The following RALGAPA1 variants were observed in gnomAD, a reference collection of about 807,000 sequenced individuals.
RALGAPA1 encodes the protein Ral GTPase activating protein catalytic subunit alpha 1.
A neutral mutation model predicts 269.6 loss-of-function variants in RALGAPA1; 52 were observed. The observed-to-expected ratio is 0.19, with a 90% confidence interval of 0.15 to 0.24. RALGAPA1 has a LOEUF of 0.24. Among genes scored for constraint, RALGAPA1 ranks in the 10% least tolerant of loss-of-function variants. The pLI is 1.00. For missense variants in RALGAPA1, 1,917 were observed against 3,013.9 expected (o/e 0.64, Z 8.52); for synonymous variants, 817 against 1,008.3 (o/e 0.81, Z 3.60).
rs1566866944 is a variant in RALGAPA1, at chr14:35,628,080, C to T, written c.5996-129G>A. The T allele has an allele frequency of 1.4e-5, 15 of 1,059,436 alleles. No homozygotes were observed. In the East Asian group the frequency reaches 3.6e-4, roughly 25 times the overall value. 65.6% of individuals were successfully genotyped at this position (1,059,436 alleles called of 1,614,324 possible). A position where few individuals can be genotyped will look rare whatever the true frequency, so the allele number is the denominator to read the frequency against. On this transcript the variant is annotated intron_variant, in intron 33 of 41. Coordinates refer to ENST00000680220, the MANE Select transcript of RALGAPA1 (RefSeq NM_001346249.2). The stretch of plus-strand genomic sequence containing the variant: ...TATTTCCAGTTTAGATTCCATAATA[C>T]AGTAATGATGGCAAAAAAGGAGGAA...
chr14:35,788,305 T>C (rs575541189), intron 1 of RALGAPA1, among the ~76,000 whole-genome samples: 3 of 152,298 alleles, frequency 2.0e-5, no homozygotes, highest in Non-Finnish European at 2.9e-5. Context: ...ATTCTACTTC[T>C]TAACATTAAG....
chr14:35,652,118 G>A (rs374725898), intron 30 of RALGAPA1, among the ~76,000 whole-genome samples: 31 of 152,074 alleles, frequency 2.0e-4, no homozygotes, highest in Middle Eastern at 3.4e-3. Flanking sequence ...AACCATAAAT[G>A]GATTTCTTCC....
chr14:35,630,985 C>G (rs1000288494), intron 33 of RALGAPA1, among the ~76,000 whole-genome samples: 82 of 151,950 alleles, frequency 5.4e-4, no homozygotes, highest in Non-Finnish European at 1.1e-3. Flanking sequence ...ATTAATAACA[C>G]TAAATGATTA....
intron 1 of RALGAPA1, among the ~76,000 whole-genome samples, chr14:35,797,718 G>GC (rs2076680623): frequency 6.6e-6 from 1 of 151,546 alleles, no homozygotes; most frequent in Non-Finnish European, 1.5e-5. Context: ...GGTGGCACCT[G>GC]CCTGTAATCC....
chr14:35,642,756 A>G (rs2062109874), intron 31 of RALGAPA1, among the ~76,000 whole-genome samples: 1 of 152,208 alleles, frequency 6.6e-6, no homozygotes, highest in Non-Finnish European at 1.5e-5. Flanking sequence ...TAGTTCAACC[A>G]TTGTGGAAGA....
In RALGAPA1 at chr14:35,674,252, A is replaced by T; in HGVS notation, c.4845T>A (p.Thr1615=). 2 of 1,612,096 alleles carry T rather than the reference A, an allele frequency of 1.2e-6. No individual in the cohort carries two copies. Among genetic ancestry groups the T allele is most frequent in the Non-Finnish European group, 1.7e-6 (2 of 1,178,868 alleles). Residue 1615 remains threonine (T), a synonymous_variant, in exon 24 of 42, where the codon ACT becomes ACA. Transcript: ENST00000680220. ...AKIRDNLGIS[T]DNLTSPSPPV... ...GTGGAGAAGGGGAGGTCAGGTTATC[A>T]GTTGAAATGCCAAGGTTATCTCTAA...
chr14:35,790,683 CT>C (rs1176460820), intron 1 of RALGAPA1, among the ~76,000 whole-genome samples: 4 of 107,970 alleles, frequency 3.7e-5, no homozygotes, highest in African/African-American at 4.2e-5. Flanking sequence ...AAGAGACTGT[CT>C]AAAAAAAAAA....
intron 35 of RALGAPA1, among the ~76,000 whole-genome samples, chr14:35,616,291 T>C (rs1051068202): frequency 6.6e-5 from 10 of 151,924 alleles, no homozygotes; most frequent in African/African-American, 2.4e-4. Flanking sequence ...GTTATGAAGG[T>C]AAGAAACAGA....
chr14:35,605,347 A>C (rs1235721940), intron 36 of RALGAPA1, among the ~76,000 whole-genome samples: 1 of 152,128 alleles, frequency 6.6e-6, no homozygotes, highest in Non-Finnish European at 1.5e-5. Flanking sequence ...AGATCTTATA[A>C]ACCTATGAGT....
intron 5 of RALGAPA1, among the ~76,000 whole-genome samples, chr14:35,761,249 T>G (rs2073675183): frequency 6.6e-6 from 1 of 152,208 alleles, no homozygotes; most frequent in African/African-American, 2.4e-5. Context: ...CATCAGGTAA[T>G]TTTTATTCTG....
chr14:35,609,749 C>A (rs575419005), intron 35 of RALGAPA1, among the ~76,000 whole-genome samples: 2 of 151,496 alleles, frequency 1.3e-5, no homozygotes, highest in African/African-American at 4.8e-5. Flanking sequence ...ACAGAGAGAC[C>A]CCATCTCTAC....
chr14:35,591,464 T>C (rs1319425819), intron 37 of RALGAPA1, among the ~76,000 whole-genome samples: 2 of 152,082 alleles, frequency 1.3e-5, no homozygotes, highest in Admixed American at 6.6e-5. Flanking sequence ...TATAGGCACA[T>C]GCTACCATGC....
chr14:35,777,555 A>T (rs1375193525), intron 1 of RALGAPA1, among the ~76,000 whole-genome samples: 1 of 152,076 alleles, frequency 6.6e-6, no homozygotes, highest in African/African-American at 2.4e-5. Context: ...ACAAAATAGA[A>T]TTTTTTGTTT....
At position 35,768,670 on chromosome 14, in the gene RALGAPA1, G is replaced by A. The variant is rs76651471; in HGVS notation, c.325+2272C>T. Among the ~76,000 whole-genome samples the A allele has an allele frequency of 1.8e-3, 272 of 151,830 alleles. 1 individual carries two copies. Among genetic ancestry groups the A allele is most frequent in the African/African-American group, 6.4e-3 (266 of 41,406 alleles). ...CAATCATGGCACTGCACTTCAGCCT[G>A]GTGACTGAATAAGATCCTGTCTCTT... On this transcript the variant is annotated intron_variant, in intron 4 of 41. Coordinates refer to ENST00000680220, the MANE Select transcript of RALGAPA1 (RefSeq NM_001346249.2).
At chr14:35,560,918 G>T (rs953964988) in intron 39 of RALGAPA1, among the ~76,000 whole-genome samples, 1 of 152,034 alleles carries the variant, frequency 6.6e-6, no homozygotes, top group Non-Finnish European at 1.5e-5. Flanking sequence ...ATCTTTAAAG[G>T]TATGCAGTAC....
At chr14:35,793,291 G>A (rs1249497576) in intron 1 of RALGAPA1, among the ~76,000 whole-genome samples, 1 of 149,982 alleles carries the variant, frequency 6.7e-6, no homozygotes, top group Non-Finnish European at 1.5e-5. Flanking sequence ...AGGCTGGAGT[G>A]CAATGGCACA....
chr14:35,765,683 T>C (rs549435713), intron 4 of RALGAPA1: 38 of 259,406 alleles, frequency 1.5e-4, no homozygotes, highest in African/African-American at 7.9e-4. Context: ...TTTTGTAGAG[T>C]TGGGGTACTG....
intron 11 of RALGAPA1, among the ~76,000 whole-genome samples, chr14:35,739,859 T>C (rs548675817): frequency 6.6e-6 from 1 of 152,304 alleles, no homozygotes; most frequent in South Asian, 2.1e-4. Flanking sequence ...CTCAAGTATG[T>C]AACTGTTCAT....
intron 35 of RALGAPA1, among the ~76,000 whole-genome samples, chr14:35,607,127 A>G (rs2059648020): frequency 6.6e-6 from 1 of 152,214 alleles, no homozygotes. Flanking sequence ...GTCCCTGTAT[A>G]TTGTCCTAAA....
Sources: allele counts gnomAD v4.1 joint callset (sites outside exome capture counted in the v4.1 genomes callset), GRCh38; gene constraint gnomAD v4.1.1; transcripts MANE v1.5; gene names NCBI Gene and HGNC (gene_info 2026-07-23, HGNC 2026-07-21).